Variants in KHDRBS2 observed in about 807,000 individuals in gnomAD.
The protein encoded by KHDRBS2 is KH RNA binding domain containing, signal transduction associated 2.
Under a neutral mutation model 44.3 loss-of-function variants are expected in KHDRBS2, and 26 were observed. The observed-to-expected ratio is 0.59, with a 90% CI of 0.43 to 0.81. The LOEUF (loss-of-function observed/expected upper bound fraction) is 0.81. Among genes scored for constraint, KHDRBS2 ranks in the 40% least tolerant of loss-of-function variants. KHDRBS2 has a pLI of 0.00. For missense variants in KHDRBS2, 476 were observed against 433.1 expected (o/e 1.10, Z -0.88); for synonymous variants, 194 against 151.1 (o/e 1.28, Z -2.08).
chr6:62,076,660 T>A (rs1291865791), intron 2 of KHDRBS2, among the ~76,000 whole-genome samples: 1 of 152,078 alleles, frequency 6.6e-6, no homozygotes, highest in East Asian at 1.9e-4. Context: ...TAAAAGTGTT[T>A]GCCTAGGAGG....
intron 4 of KHDRBS2, among the ~76,000 whole-genome samples, chr6:61,948,752 A>G (rs1764136447): frequency 6.6e-6 from 1 of 150,894 alleles, no homozygotes; most frequent in South Asian, 2.1e-4. Context: ...GCCTCAAGTG[A>G]TCCTCCACCT....
chr6:62,051,821 G>T (rs1199177557), intron 2 of KHDRBS2, among the ~76,000 whole-genome samples: 2 of 151,742 alleles, frequency 1.3e-5, no homozygotes, highest in Non-Finnish European at 2.9e-5. Flanking sequence ...ATGGGCAAAA[G>T]ATCTAAATAG....
intron 2 of KHDRBS2, among the ~76,000 whole-genome samples, chr6:62,089,536 C>A (rs1021504262): frequency 2.0e-5 from 3 of 152,128 alleles, no homozygotes; most frequent in African/African-American, 7.2e-5. Context: ...CCTCCTTCTG[C>A]TCGCCCTCCT....
the KHDRBS2 span, among the ~76,000 whole-genome samples, chr6:61,651,755 G>A: frequency 2.6e-5 from 4 of 152,006 alleles, no homozygotes; most frequent in Non-Finnish European, 5.9e-5. Flanking sequence ...TTCCACTCTT[G>A]TTTAGTCATC....
intron 6 of KHDRBS2, among the ~76,000 whole-genome samples, chr6:61,776,981 C>T (rs1309149162): frequency 6.6e-6 from 1 of 152,126 alleles, no homozygotes; most frequent in Non-Finnish European, 1.5e-5. Context: ...AGTTCATGTC[C>T]TTTGTAGGGA....
At chr6:61,877,106 C>A (rs563260401) in intron 6 of KHDRBS2, among the ~76,000 whole-genome samples, 2 of 152,104 alleles carry the variant, frequency 1.3e-5, no homozygotes, top group South Asian at 4.1e-4. Flanking sequence ...GTTGAGTAGT[C>A]ATGATAGAGA....
At chr6:61,938,843 T>C (rs1301858301) in intron 4 of KHDRBS2, among the ~76,000 whole-genome samples, 2 of 152,104 alleles carry the variant, frequency 1.3e-5, no homozygotes, top group Non-Finnish European at 2.9e-5. Context: ...CGTGGTTCTA[T>C]AGTTTCTGGC....
At chr6:62,244,534 T>C (rs1835239547) in intron 1 of KHDRBS2, among the ~76,000 whole-genome samples, 1 of 152,130 alleles carries the variant, frequency 6.6e-6, no homozygotes, top group African/African-American at 2.4e-5. Flanking sequence ...AATAATATCT[T>C]GAGAATAAAT....
chr6:62,229,393 T>C (rs1021980411), intron 1 of KHDRBS2, among the ~76,000 whole-genome samples: 1 of 152,176 alleles, frequency 6.6e-6, no homozygotes, highest in African/African-American at 2.4e-5. Flanking sequence ...CCTGGAGCTA[T>C]AGAGATGGCT....
chr6:61,882,928 A>C (rs1305442708), intron 6 of KHDRBS2, among the ~76,000 whole-genome samples: 1 of 152,026 alleles, frequency 6.6e-6, no homozygotes, highest in Non-Finnish European at 1.5e-5. Context: ...ACAGCAATTA[A>C]TGTTTTTCAA....
At chr6:62,118,890 G>A (rs745887085) in intron 2 of KHDRBS2, among the ~76,000 whole-genome samples, 20 of 152,172 alleles carry the variant, frequency 1.3e-4, no homozygotes, top group Non-Finnish European at 2.8e-4. Context: ...TACTTTTGAA[G>A]TTTTGGGACT....
At chr6:62,108,751 G>A (rs1027759915) in intron 2 of KHDRBS2, among the ~76,000 whole-genome samples, 22 of 152,126 alleles carry the variant, frequency 1.4e-4, no homozygotes, top group African/African-American at 4.8e-4. Context: ...TATACACCAT[G>A]GAATACTATG....
intron 2 of KHDRBS2, among the ~76,000 whole-genome samples, chr6:62,142,753 G>A (rs1284214026): frequency 6.6e-6 from 1 of 151,628 alleles, no homozygotes; most frequent in East Asian, 1.9e-4. Context: ...GTATTTTGAA[G>A]TCCTAAAAAT....
At chr6:61,600,589 C>G in the KHDRBS2 span, among the ~76,000 whole-genome samples, 1 of 152,168 alleles carries the variant, frequency 6.6e-6, no homozygotes, top group Admixed American at 6.5e-5. Context: ...AGCTTTACTG[C>G]TCACACAAAG....
At chr6:61,922,360 A>G (rs1657673422) in intron 4 of KHDRBS2, among the ~76,000 whole-genome samples, 1 of 152,100 alleles carries the variant, frequency 6.6e-6, no homozygotes, top group African/African-American at 2.4e-5. Context: ...TAATCTAGGT[A>G]GAGTCCAGCA....
At chr6:61,792,160 G>A (rs894662280) in intron 6 of KHDRBS2, among the ~76,000 whole-genome samples, 8 of 151,370 alleles carry the variant, frequency 5.3e-5, no homozygotes, top group Non-Finnish European at 1.0e-4. Context: ...GTCTAAAGTT[G>A]AAATCTGTAC....
intron 4 of KHDRBS2, among the ~76,000 whole-genome samples, chr6:61,957,679 G>A (rs1285822429): frequency 2.0e-5 from 3 of 152,160 alleles, no homozygotes; most frequent in African/African-American, 7.2e-5. Context: ...GACAATGTGT[G>A]CCTGAAACTT....
chr6:61,599,019 C>T, the KHDRBS2 span, among the ~76,000 whole-genome samples: 20 of 151,782 alleles, frequency 1.3e-4, no homozygotes, highest in African/African-American at 4.4e-4. Context: ...CTGCAACCTC[C>T]ACCTCCCAGG....
intron 6 of KHDRBS2, among the ~76,000 whole-genome samples, chr6:61,831,571 C>T (rs942539127): frequency 5.9e-5 from 9 of 152,030 alleles, no homozygotes; most frequent in Non-Finnish European, 1.3e-4. Context: ...ATGACTAATA[C>T]ATGAACCTTC....
Sources: gnomAD v4.1 joint callset for allele counts (sites outside exome capture counted in the v4.1 genomes callset) on GRCh38, gnomAD v4.1.1 for gene constraint, MANE v1.5 for transcripts, NCBI Gene and HGNC (gene_info 2026-07-23, HGNC 2026-07-21) for gene names.